Variants in HNRNPUL1 observed in about 807,000 individuals in gnomAD.
HNRNPUL1 encodes heterogeneous nuclear ribonucleoprotein U-like protein 1.
A neutral mutation model predicts 108.5 loss-of-function variants in HNRNPUL1; 14 were observed. The observed-to-expected ratio is 0.13, with a 90% confidence interval of 0.09 to 0.20. The LOEUF is 0.20. Among genes scored for constraint, HNRNPUL1 ranks in the 10% least tolerant of loss-of-function variants. The pLI is 1.00. For synonymous variants in HNRNPUL1, 422 were observed against 445.2 expected, an observed-to-expected ratio of 0.95 and a Z score of 0.66; for missense variants, 804 against 1,168.3, an observed-to-expected ratio of 0.69 and a Z score of 4.55.
rs1356721310 is a variant in HNRNPUL1 at position 41,301,595 on chromosome 19, C to T, written c.1578C>T (p.Arg526=). The T allele has an allele frequency of 2.5e-6, 4 of 1,614,140 alleles. No individual in the cohort carries two copies. The highest frequency in any genetic ancestry group is 3.3e-4 in the Middle Eastern group (2 of 6,062). Residue 526 remains arginine, a synonymous_variant, in exon 11 of 15, where the codon CGC becomes CGT. Coordinates refer to ENST00000392006, the MANE Select transcript of HNRNPUL1 (RefSeq NM_007040.6). The part of the protein sequence containing the change: ...RKMRPFEGFQ[R]KAIVICPTDE... ...TGAGACCATTTGAAGGCTTCCAGCG[C>T]AAAGCTATTGTAATTTGTCCCACTG...
At chr19:41,302,524 T>G in intron 11 of HNRNPUL1, 141 bp from the exon 12 acceptor site, 1 of 1,116,384 alleles carries the variant, frequency 9.0e-7, no homozygotes, top group South Asian at 1.3e-5. Flanking sequence ...CGCCCTTCTG[T>G]CTATGTCTTT....
At chr19:41,265,351 G>C in intron 1 of HNRNPUL1, 1 of 1,511,124 alleles carries the variant, frequency 6.6e-7, no homozygotes, top group Non-Finnish European at 8.9e-7. Context: ...TGGGTACGGG[G>C]GTGGGTGGGA....
chr19:41,288,619 T>C (rs1047140688), intron 7 of HNRNPUL1, among the ~76,000 whole-genome samples: 2 of 152,218 alleles, frequency 1.3e-5, no homozygotes, highest in African/African-American at 4.8e-5. Flanking sequence ...ATTGTATGAC[T>C]GTACCATAAT....
At chr19:41,267,949 G>C (rs1203374514) in intron 1 of HNRNPUL1, 2 of 267,550 alleles carry the variant, frequency 7.5e-6, no homozygotes, top group Non-Finnish European at 7.0e-6. Flanking sequence ...CTTCATTCCT[G>C]GTACTACTTT....
In HNRNPUL1 at chr19:41,264,399, G is replaced by A; in HGVS notation, c.-105G>A. 1 of 1,010,472 alleles carries A rather than the reference G, an allele frequency of 9.9e-7. No individual in the cohort carries two copies. Among genetic ancestry groups the A allele is most frequent in the East Asian group, 3.2e-5 (1 of 30,966 alleles). 62.6% of individuals were successfully genotyped at this position (1,010,472 alleles called of 1,614,324 possible). ...TTTGAGCCGCTGCCGCCATTGGAGTGGGCCCCCCCCCTTTCCCCCTTCGCC... is the reference window on the plus strand; with the variant it reads ...TTTGAGCCGCTGCCGCCATTGGAGTAGGCCCCCCCCCTTTCCCCCTTCGCC... On this transcript the variant is annotated 5_prime_UTR_variant, in exon 1 of 15. Coordinates refer to ENST00000392006, the MANE Select transcript of HNRNPUL1 (RefSeq NM_007040.6).
At chr19:41,285,163 T>C (rs1377358720) in intron 7 of HNRNPUL1, among the ~76,000 whole-genome samples, 1 of 152,146 alleles carries the variant, frequency 6.6e-6, no homozygotes, top group East Asian at 1.9e-4. Flanking sequence ...GGCTTAAAAA[T>C]TCTTTACAGG....
upstream of HNRNPUL1, among the ~76,000 whole-genome samples, chr19:41,263,249 T>C (rs1224297333): frequency 6.6e-6 from 1 of 152,066 alleles, no homozygotes; most frequent in Non-Finnish European, 1.5e-5. Flanking sequence ...TGTTTTGAGT[T>C]AGAGGCGACA....
chr19:41,302,813 AGGTGGTGGTGGCTTCCGGGGCCGCGGG>A lies in HNRNPUL1; in HGVS notation c.1853_1879del (p.Arg618_Phe626del), dbSNP rs1274324648. 15 of 1,606,010 alleles carry A rather than the reference AGGTGGTGGTGGCTTCCGGGGCCGCGGG, an allele frequency of 9.3e-6. No individual in the cohort carries two copies. The highest frequency in any genetic ancestry group is 1.2e-5 in the Non-Finnish European group (14 of 1,174,260). ...CCCCTGAAAAGCGCTTTGACAACCGAGGTGGTGGTGGCTTCCGGGGCCGCGGGGGTGGTGGTGGCTTCCAGCGCTATG... is the reference window on the plus strand; with the variant it reads ...CCCCTGAAAAGCGCTTTGACAACCGAGGTGGTGGTGGCTTCCAGCGCTATG... On this transcript the variant is annotated inframe_deletion, in exon 12 of 15. Coordinates refer to ENST00000392006, the MANE Select transcript of HNRNPUL1 (RefSeq NM_007040.6).
At position 41,264,781 on chromosome 19, in the gene HNRNPUL1, C is replaced by T. The variant is rs752677254; in HGVS notation, c.278C>T (p.Ser93Leu). 1.5e-6 allele frequency: 2 copies of T among 1,363,338 alleles called. No homozygotes were observed. Among genetic ancestry groups the T allele is most frequent in the Admixed American group, 3.6e-5 (1 of 28,142 alleles). The allele number at this position is 1,363,338 out of a possible 1,614,324, so 84.5% of individuals were successfully genotyped here. A position where few individuals can be genotyped will look rare whatever the true frequency, so the allele number is the denominator to read the frequency against. Residue 93 changes from serine (S) to leucine (L), a missense_variant, in exon 1 of 15, where the codon TCG becomes TTG. This residue lies in a region of HNRNPUL1 where 256 missense variants were observed against 261.6 expected (regional missense o/e 0.98). Transcript: ENST00000392006. ...CCGCACGCGGAGCCCGGCGGCTACT[C>T]GGGGCCGGACGGACATTGTGAGAGT... ...LQPHAEPGGY[S>L]GPDGHYAMDN... is the part of the protein sequence containing the mutation.
rs188212099 is a variant in HNRNPUL1, at chr19:41,278,969, A to G, written c.787-108A>G. The G allele has an allele frequency of 3.4e-5, 27 of 802,172 alleles. No individual in the cohort carries two copies. In the East Asian group the frequency reaches 6.3e-4, roughly 19 times the overall value. 49.7% of individuals were successfully genotyped at this position (802,172 alleles called of 1,614,324 possible). A position where few individuals can be genotyped will look rare whatever the true frequency, so the allele number is the denominator to read the frequency against. On this transcript the variant is annotated intron_variant, in intron 5 of 14. Coordinates refer to ENST00000392006, the MANE Select transcript of HNRNPUL1 (RefSeq NM_007040.6). ...GCTTAAACGCTTCTTCTCCAGCAAGAAAAGCCATTGCTATTTTTTAATGCC... is the reference window on the plus strand; with the variant it reads ...GCTTAAACGCTTCTTCTCCAGCAAGGAAAGCCATTGCTATTTTTTAATGCC...
chr19:41,287,055 G>A (rs893425789), intron 7 of HNRNPUL1, among the ~76,000 whole-genome samples: 6 of 150,242 alleles, frequency 4.0e-5, no homozygotes, highest in Admixed American at 2.0e-4. Flanking sequence ...TTGTTCTGTC[G>A]CCCAGGCTGG....
chr19:41,271,826 T>C (rs2035258403), intron 2 of HNRNPUL1, among the ~76,000 whole-genome samples: 1 of 152,190 alleles, frequency 6.6e-6, no homozygotes, highest in Non-Finnish European at 1.5e-5. Context: ...TTGTAAGAAC[T>C]AAGGCAGAGA....
In HNRNPUL1 at chr19:41,302,841, G is replaced by T; in HGVS notation, c.1864G>T (p.Gly622Cys). 6.3e-7 allele frequency: 1 copy of T among 1,592,270 alleles called. No homozygotes were observed. The highest frequency in any genetic ancestry group is 1.1e-5 in the South Asian group (1 of 88,036). Residue 622 changes from glycine to cysteine, a missense_variant, in exon 12 of 15, where the codon GGT (glycine) becomes TGT (cysteine). Gly to Cys is a radical substitution (Grantham distance 159). Around this residue, in one of 4 missense-constraint regions of HNRNPUL1, gnomAD observed 294 missense variants for 388.3 expected, o/e 0.76. Coordinates refer to ENST00000392006, the MANE Select transcript of HNRNPUL1 (RefSeq NM_007040.6). Reference sequence around the variant, plus strand: ...TGGTGGTGGCTTCCGGGGCCGCGGGGGTGGTGGTGGCTTCCAGCGCTATGA... The same window carrying T: ...TGGTGGTGGCTTCCGGGGCCGCGGGTGTGGTGGTGGCTTCCAGCGCTATGA... ...RGGGGFRGRG[G>C]GGGFQRYENR...
intron 7 of HNRNPUL1, among the ~76,000 whole-genome samples, chr19:41,285,879 TAAC>T (rs2036192295): frequency 6.6e-6 from 1 of 152,072 alleles, no homozygotes; most frequent in African/African-American, 2.4e-5. Context: ...CCCAAAAACT[TAAC>T]TACTGGCTGA....
chr19:41,278,116 G>C (rs901257752), intron 5 of HNRNPUL1, among the ~76,000 whole-genome samples: 5 of 152,172 alleles, frequency 3.3e-5, no homozygotes, highest in African/African-American at 1.2e-4. Context: ...CTAGAATACA[G>C]TGGCGCAATC....
At chr19:41,287,946 T>C (rs1005969585) in intron 7 of HNRNPUL1, among the ~76,000 whole-genome samples, 9 of 152,328 alleles carry the variant, frequency 5.9e-5, no homozygotes, top group African/African-American at 1.9e-4. Context: ...TGCATTTTTT[T>C]CCCATTGAAG....
intron 12 of HNRNPUL1, among the ~76,000 whole-genome samples, chr19:41,303,439 T>C (rs1243479812): frequency 6.6e-6 from 1 of 150,786 alleles, no homozygotes; most frequent in African/African-American, 2.4e-5. Flanking sequence ...CTGCAACCTC[T>C]GCCTCCCGGC....
At chr19:41,280,919 G>A in intron 6 of HNRNPUL1, 1 of 458,446 alleles carries the variant, frequency 2.2e-6, no homozygotes, top group South Asian at 2.4e-5. Context: ...TCTCCCCTCT[G>A]TGCAGAGTTA....
rs529778492 is a variant in HNRNPUL1, at chr19:41,269,221, T to C, written c.418+876T>C. On this transcript the variant is annotated intron_variant, in intron 2 of 14. Transcript: ENST00000392006. ...TGGCTCATACCTATAATTCCAACAC[T>C]TTGGGAGGCCAAGGTAGTAGGATCA... Among the ~76,000 whole-genome samples the C allele has an allele frequency of 3.5e-4, 53 of 151,852 alleles. 2 individuals carry two copies. The South Asian group carries it at 9.8e-3, about 28-fold the overall frequency.
Sources: gnomAD v4.1 joint callset for allele counts (sites outside exome capture counted in the v4.1 genomes callset) on GRCh38, gnomAD v4.1.1 for gene constraint, gnomAD v4.1.1 regional missense constraint, MANE v1.5 for transcripts, NCBI Gene and HGNC (gene_info 2026-07-23, HGNC 2026-07-21) for gene names.